The following NSD2 variants were observed in gnomAD, a reference collection of about 807,000 sequenced individuals.
NSD2 encodes the protein nuclear receptor binding SET domain protein 2, also known as histone-lysine N-methyltransferase NSD2.
A neutral mutation model predicts 139.0 loss-of-function variants in NSD2; 12 were observed. The ratio of observed to expected loss-of-function variants is 0.09; its 90% confidence interval spans 0.06 to 0.14. The LOEUF is 0.14. Ranked by LOEUF, NSD2 falls within the 10% of genes least tolerant of loss-of-function variation. The probability of loss-of-function intolerance (pLI) is 1.00; values close to 1 mark genes in which losing one functional copy is unlikely to be tolerated. For synonymous variants in NSD2, 669 were observed against 648.7 expected (o/e 1.03, Z -0.48); for missense variants, 1,155 against 1,745.0 (o/e 0.66, Z 6.02).
chr4:1,951,443 TACACAC>T (rs71167763), intron 10 of NSD2, among the ~76,000 whole-genome samples: 128 of 100,920 alleles, frequency 1.3e-3, no homozygotes, highest in African/African-American at 3.2e-3. Context: ...CATCATGTAA[TACACAC>T]ACACACACAC....
At chr4:1,916,636 CTGGCCTGGTTGGCT>C (rs1311492341) in intron 3 of NSD2, among the ~76,000 whole-genome samples, 3 of 152,380 alleles carry the variant, frequency 2.0e-5, no homozygotes, top group Admixed American at 1.3e-4. Flanking sequence ...GGGACTGCGC[CTGGCCTGGTTGGCT>C]TTCTTTCCCA....
At chr4:1,882,491 G>A (rs781062101) in intron 1 of NSD2, among the ~76,000 whole-genome samples, 2 of 152,104 alleles carry the variant, frequency 1.3e-5, no homozygotes, top group Non-Finnish European at 2.9e-5. Context: ...GTGAAACCCC[G>A]TCTCTACTAA....
chr4:1,981,275 A>G lies in NSD2; in HGVS notation c.*2366A>G, dbSNP rs1304803202. On this transcript the variant is annotated 3_prime_UTR_variant, in exon 22 of 22. Coordinates refer to ENST00000508803, the MANE Select transcript of NSD2 (RefSeq NM_001042424.3). ...TCTCTACAATACCCGTTGATAACTC[A>G]GTGGAGCCAGGCTTTGGGGTAGCGG... 1 of 233,226 alleles carries G rather than the reference A, an allele frequency of 4.3e-6. No homozygotes were observed. Among genetic ancestry groups the G allele is most frequent in the Non-Finnish European group, 8.5e-6 (1 of 118,076 alleles). 14.4% of individuals were successfully genotyped at this position (233,226 alleles called of 1,614,324 possible). A position where few individuals can be genotyped will look rare whatever the true frequency, so the allele number is the denominator to read the frequency against.
At chr4:1,913,342 C>T (rs1193450822) in intron 3 of NSD2, among the ~76,000 whole-genome samples, 1 of 152,172 alleles carries the variant, frequency 6.6e-6, no homozygotes, top group South Asian at 2.1e-4. Context: ...TCTCCCTTTC[C>T]GTGGGGGAGT....
Position 1,955,012 on chromosome 4 carries a change from C to T in NSD2, c.2339-149C>T. ...CAAACATGGTTTTGAAGCACCTTTG[C>T]TCTGAAAGCTTTTTTTAAATCAAAT... On this transcript the variant is annotated intron_variant, in intron 12 of 21. Coordinates refer to ENST00000508803, the MANE Select transcript of NSD2 (RefSeq NM_001042424.3). This position sits in a 1 kb window ranked among gnomAD's most constrained non-coding sequence, Gnocchi z 4.7. The T allele has an allele frequency of 4.3e-6, 4 of 919,714 alleles. No individual in the cohort carries two copies. Among genetic ancestry groups the T allele is most frequent in the Non-Finnish European group, 6.5e-6 (4 of 618,424 alleles). The allele number at this position is 919,714 out of a possible 1,614,324, so 57.0% of individuals were successfully genotyped here.
At chr4:1,938,644 C>T in intron 8 of NSD2, 112 bp downstream of exon 8, 1 of 801,692 alleles carries the variant, frequency 1.2e-6, no homozygotes, top group Non-Finnish European at 1.9e-6. Context: ...GGGAACAGGG[C>T]AGGGGAGGAA....
chr4:1,946,843 G>A (rs183301652), intron 9 of NSD2: 331 of 1,057,842 alleles, frequency 3.1e-4, no homozygotes, highest in Non-Finnish European at 2.6e-4. Flanking sequence ...CAGCCCGACA[G>A]GCCTCATCTT....
intron 18 of NSD2, among the ~76,000 whole-genome samples, chr4:1,967,139 C>G (rs1417928897): frequency 6.6e-6 from 1 of 152,150 alleles, no homozygotes; most frequent in African/African-American, 2.4e-5. Context: ...TAAGACAGTA[C>G]TGTGAACAAC....
intron 1 of NSD2, among the ~76,000 whole-genome samples, chr4:1,878,142 C>T (rs1714398607): frequency 6.8e-6 from 1 of 148,112 alleles, no homozygotes. Flanking sequence ...CTCACCACAA[C>T]CTCTGCTTCC....
At chr4:1,898,360 A>G (rs751999035) in intron 1 of NSD2, among the ~76,000 whole-genome samples, 8 of 152,100 alleles carry the variant, frequency 5.3e-5, no homozygotes, top group Non-Finnish European at 1.0e-4. Context: ...GCCTGACCAC[A>G]TTCCCCTTAA....
chr4:1,943,953 C>T, intron 9 of NSD2: 1 of 1,064,742 alleles, frequency 9.4e-7, no homozygotes, highest in Non-Finnish European at 1.1e-6. Flanking sequence ...TAGGTGCTCC[C>T]TCTATATTAT....
chr4:1,962,368 T>C (rs1208065355), intron 18 of NSD2, among the ~76,000 whole-genome samples: 1 of 152,214 alleles, frequency 6.6e-6, no homozygotes, highest in Non-Finnish European at 1.5e-5. Flanking sequence ...AGTATGCTTT[T>C]GGGGGCAGTG....
intron 9 of NSD2, chr4:1,945,152 T>G (rs997554278): frequency 8.4e-6 from 9 of 1,066,746 alleles, no homozygotes; most frequent in African/African-American, 1.6e-5. Context: ...TGATTTTGTG[T>G]TTTTTGTTTA....
intron 6 of NSD2, among the ~76,000 whole-genome samples, chr4:1,934,339 C>T (rs547489967): frequency 1.8e-4 from 27 of 151,654 alleles, no homozygotes; most frequent in Middle Eastern, 3.4e-3. Context: ...CCCACCTCAG[C>T]CTCCCAAAGT....
chr4:1,927,746 A>G (rs1433281901), intron 5 of NSD2, among the ~76,000 whole-genome samples: 1 of 148,040 alleles, frequency 6.8e-6, no homozygotes, highest in African/African-American at 2.5e-5. Context: ...AAAAAAAAAA[A>G]AAAGCCGTGT....
chr4:1,930,970 A>G (rs893733841), intron 6 of NSD2, among the ~76,000 whole-genome samples, 200 bp downstream of exon 6: 4 of 152,110 alleles, frequency 2.6e-5, no homozygotes, highest in Admixed American at 6.6e-5. Context: ...TATGAGAGCT[A>G]TTCAATGTAG....
intron 9 of NSD2, chr4:1,946,177 T>G: frequency 9.8e-7 from 1 of 1,021,520 alleles, no homozygotes; most frequent in Non-Finnish European, 1.2e-6. Flanking sequence ...GTAACTGTCA[T>G]TAGAAAAGGT....
chr4:1,880,705 G>C (rs13435616), intron 1 of NSD2, among the ~76,000 whole-genome samples: 1,813 of 152,058 alleles, frequency 0.012, 39 homozygotes, highest in African/African-American at 0.042. Context: ...ATACTACAGA[G>C]TTGCCATTGG....
At position 1,976,764 on chromosome 4, in the gene NSD2, C is replaced by G. The variant is rs569851245; in HGVS notation, c.3826+85C>G. 4 of 1,412,746 alleles carry G rather than the reference C, an allele frequency of 2.8e-6. No homozygotes were observed. The highest frequency in any genetic ancestry group is 2.5e-5 in the East Asian group (1 of 40,128). 87.5% of individuals were successfully genotyped at this position (1,412,746 alleles called of 1,614,324 possible). On this transcript the variant is annotated intron_variant, in intron 21 of 21. Coordinates refer to ENST00000508803, the MANE Select transcript of NSD2 (RefSeq NM_001042424.3). This position sits in a 1 kb window ranked among gnomAD's most constrained non-coding sequence, Gnocchi z 5.3. ...GGCTGCTGCCGCTCTTCCTGCTGAC[C>G]GGGCCTCATCTGGGTGCAGGCACAT... is the stretch of plus-strand genomic sequence containing the variant.
Sources: allele counts gnomAD v4.1 joint callset (sites outside exome capture counted in the v4.1 genomes callset), GRCh38; gene constraint gnomAD v4.1.1; non-coding constraint Gnocchi (gnomAD v3.1); transcripts MANE v1.5; gene names NCBI Gene and HGNC (gene_info 2026-07-23, HGNC 2026-07-21).